RALGAPA2: variants seen among roughly 807,000 people sequenced by gnomAD.
RALGAPA2 encodes Ral GTPase activating protein catalytic subunit alpha 2.
In RALGAPA2, 139 loss-of-function variants were observed where a neutral mutation model predicts 230.4. The ratio of observed to expected loss-of-function variants is 0.60; its 90% CI spans 0.53 to 0.69. The LOEUF (loss-of-function observed/expected upper bound fraction) is 0.69, where lower values mean the gene tolerates loss of function less well. Among genes scored for constraint, RALGAPA2 ranks in the 30% least tolerant of loss-of-function variants. RALGAPA2 has a pLI of 0.00. For missense variants in RALGAPA2, 2,163 were observed against 2,276.0 expected (o/e 0.95, Z 1.01); for synonymous variants, 847 against 837.8 (o/e 1.01, Z -0.19).
intron 23 of RALGAPA2, among the ~76,000 whole-genome samples, chr20:20,558,538 T>C (rs185645749): frequency 5.8e-4 from 88 of 152,266 alleles, no homozygotes; most frequent in Non-Finnish European, 1.2e-4. Flanking sequence ...TCATAAATGC[T>C]ATCTTCAAAA....
Position 20,653,565 on chromosome 20 carries a change from T to C in RALGAPA2, c.293A>G (p.Glu98Gly). 6.7e-7 allele frequency: 1 copy of C among 1,502,220 alleles called. No homozygotes were observed. The highest frequency in any genetic ancestry group is 9.0e-7 in the Non-Finnish European group (1 of 1,106,010). 93.1% of individuals were successfully genotyped at this position (1,502,220 alleles called of 1,614,324 possible). ...LFEKILQFLP[E>G]RIFFRWHYQS... ...GTAATGCCATCGAAAGAAAATTCGT[T>C]CAGGTAGAAACTGCAGTATTTTCTA... Residue 98 changes from glutamate (E) to glycine (G), a missense_variant, in exon 4 of 40, where the codon GAA (glutamate) becomes GGA (glycine). Coordinates refer to ENST00000202677, the MANE Select transcript of RALGAPA2 (RefSeq NM_020343.4).
intron 36 of RALGAPA2, among the ~76,000 whole-genome samples, chr20:20,492,898 G>A (rs142958109): frequency 2.1e-4 from 32 of 152,142 alleles, no homozygotes; most frequent in Non-Finnish European, 4.4e-4. Flanking sequence ...TGCCAAGCAG[G>A]GAGATAAAAA....
At chr20:20,495,359 A>G (rs756194029) in intron 35 of RALGAPA2, 84 bp from the exon 36 acceptor site, 1 of 1,223,806 alleles carries the variant, frequency 8.2e-7, no homozygotes, top group Non-Finnish European at 1.1e-6. Context: ...GAATTATAAA[A>G]CTCAAAGGCC....
At chr20:20,552,530 T>G (rs1486356876) in intron 23 of RALGAPA2, among the ~76,000 whole-genome samples, 1 of 152,212 alleles carries the variant, frequency 6.6e-6, no homozygotes, top group Non-Finnish European at 1.5e-5. Context: ...AGGGGAAGGT[T>G]GGGATCTGTT....
rs560611875 is a variant in RALGAPA2, at chr20:20,486,766, A to G, written c.5367+8351T>C. On this transcript the variant is annotated intron_variant, in intron 36 of 39. Transcript: ENST00000202677. ...GGAAGTTCTGTTCAGATGTTTTTCA[A>G]CCTTTTCTCCCCTCTGCATTCCAGT... 3.3e-5 allele frequency among the ~76,000 whole-genome samples: 5 copies of G among 151,902 alleles called. No individual in the cohort carries two copies. The South Asian group carries it at 1.0e-3, about 32-fold the overall frequency.
intron 20 of RALGAPA2, among the ~76,000 whole-genome samples, chr20:20,576,871 G>C (rs370492919): frequency 1.3e-4 from 20 of 151,770 alleles, no homozygotes; most frequent in African/African-American, 4.6e-4. Context: ...GATCAGTCTT[G>C]CCTGTTTGTC....
chr20:20,642,758 A>C (rs2067085100), intron 5 of RALGAPA2, among the ~76,000 whole-genome samples: 1 of 152,176 alleles, frequency 6.6e-6, no homozygotes, highest in Non-Finnish European at 1.5e-5. Context: ...GTTTTTTTTC[A>C]ACATGTAAGA....
intron 4 of RALGAPA2, among the ~76,000 whole-genome samples, chr20:20,647,265 T>C (rs1294204084): frequency 1.3e-5 from 2 of 152,178 alleles, no homozygotes; most frequent in South Asian, 4.1e-4. Flanking sequence ...CTTCTCAATA[T>C]CACACTTCAA....
intron 37 of RALGAPA2, among the ~76,000 whole-genome samples, chr20:20,468,534 G>C (rs1200339328): frequency 6.6e-6 from 1 of 152,154 alleles, no homozygotes; most frequent in East Asian, 1.9e-4. Flanking sequence ...TCCAGGTGAA[G>C]ACTTGAGTCT....
At chr20:20,501,068 G>A (rs1292120648) in intron 35 of RALGAPA2, among the ~76,000 whole-genome samples, 1 of 152,206 alleles carries the variant, frequency 6.6e-6, no homozygotes, top group Non-Finnish European at 1.5e-5. Context: ...CATTTATTGA[G>A]CACAGGTAGA....
chr20:20,412,360 A>C (rs2060079443), intron 37 of RALGAPA2, among the ~76,000 whole-genome samples: 1 of 152,216 alleles, frequency 6.6e-6, no homozygotes, highest in South Asian at 2.1e-4. Context: ...TAATTGCATT[A>C]AATACTAATA....
rs535975110 is a variant in RALGAPA2 at position 20,667,361 on chromosome 20, T to C, written c.270+8875A>G. ...AAAGTAAGACATAGATTCCACTACATCCCTGGATTCACCACTGGTCAAATT... is the reference window on the plus strand; with the variant it reads ...AAAGTAAGACATAGATTCCACTACACCCCTGGATTCACCACTGGTCAAATT... On this transcript the variant is annotated intron_variant, in intron 3 of 39. Coordinates refer to ENST00000202677, the MANE Select transcript of RALGAPA2 (RefSeq NM_020343.4). 3.3e-5 allele frequency among the ~76,000 whole-genome samples: 5 copies of C among 152,280 alleles called. No individual in the cohort carries two copies. In the East Asian group the frequency reaches 9.6e-4, roughly 29 times the overall value.
chr20:20,513,926 G>A (rs1323545553), intron 31 of RALGAPA2, among the ~76,000 whole-genome samples: 1 of 152,218 alleles, frequency 6.6e-6, no homozygotes, highest in African/African-American at 2.4e-5. Flanking sequence ...TGGGCAATGA[G>A]ACTTGCAGCC....
Position 20,558,418 on chromosome 20 carries a change from T to C in RALGAPA2, c.3157-11586A>G, listed in dbSNP as rs533637668. 4.6e-5 allele frequency among the ~76,000 whole-genome samples: 7 copies of C among 152,362 alleles called. No homozygotes were observed. In the South Asian group the frequency reaches 1.4e-3, roughly 32 times the overall value. ...ATGCAAATAACACCTTTTAAAACTA[T>C]ACTTTCAAGTGAAGTCAACAGATGA... On this transcript the variant is annotated intron_variant, in intron 23 of 39. Coordinates refer to ENST00000202677, the MANE Select transcript of RALGAPA2 (RefSeq NM_020343.4).
intron 4 of RALGAPA2, among the ~76,000 whole-genome samples, chr20:20,645,313 C>T (rs1156836678): frequency 1.3e-5 from 2 of 151,776 alleles, no homozygotes. Flanking sequence ...GGGGTTTCAC[C>T]GTGTTAGCCA....
At chr20:20,583,910 C>T (rs1378264087) in intron 19 of RALGAPA2, among the ~76,000 whole-genome samples, 1 of 152,190 alleles carries the variant, frequency 6.6e-6, no homozygotes, top group African/African-American at 2.4e-5. Context: ...TCTGTCTGCT[C>T]ACCCTTCTGG....
rs1362199842 is a variant in RALGAPA2 at position 20,489,749 on chromosome 20, T to C, written c.5367+5368A>G. ...TCCTTGCTGGGCTGAGTGGCTGACA[T>C]TGTGTGCACCTGTGTGCAGGAACCT... On this transcript the variant is annotated intron_variant, in intron 36 of 39. Transcript: ENST00000202677. Among the ~76,000 whole-genome samples, 3 of 152,158 alleles carry C rather than the reference T, an allele frequency of 2.0e-5. No homozygotes were observed. In the East Asian group the frequency reaches 5.8e-4, roughly 29 times the overall value.
chr20:20,615,230 A>T (rs554899002), intron 13 of RALGAPA2, among the ~76,000 whole-genome samples: 2 of 151,260 alleles, frequency 1.3e-5, no homozygotes, highest in East Asian at 3.9e-4. Flanking sequence ...CAGTGGCGCA[A>T]TCTCACTGCA....
chr20:20,413,482 G>A (rs2060104308), intron 37 of RALGAPA2, among the ~76,000 whole-genome samples: 3 of 152,138 alleles, frequency 2.0e-5, no homozygotes, highest in Admixed American at 2.0e-4. Context: ...ATCCCATACA[G>A]TAGCCACAAG....
Sources: gnomAD v4.1 joint callset for allele counts (sites outside exome capture counted in the v4.1 genomes callset) on GRCh38, gnomAD v4.1.1 for gene constraint, MANE v1.5 for transcripts, NCBI Gene and HGNC (gene_info 2026-07-23, HGNC 2026-07-21) for gene names.